Variants in FHIT observed in about 807,000 individuals in gnomAD.
FHIT encodes fragile histidine triad diadenosine triphosphatase, also known as bis(5'-adenosyl)-triphosphatase.
FHIT carries 19 observed loss-of-function variants against 17.9 expected under a neutral mutation model. The ratio of observed to expected loss-of-function variants is 1.06; its 90% CI spans 0.74 to 1.56. The LOEUF is 1.56. Ranked by LOEUF, FHIT falls within the 40% of genes most tolerant of loss-of-function variation. FHIT has a pLI of 0.00. For missense variants in FHIT, 248 were observed against 189.2 expected (o/e 1.31, Z -1.82); for synonymous variants, 81 against 69.7 (o/e 1.16, Z -0.81).
chr3:60,257,822 C>T, intron 5 of FHIT, among the ~76,000 whole-genome samples: 1 of 152,082 alleles, frequency 6.6e-6, no homozygotes, highest in Non-Finnish European at 1.5e-5. Flanking sequence ...AATGTTCTCA[C>T]CTGTAAGTGG....
At chr3:60,229,201 G>C (rs539023307) in intron 5 of FHIT, among the ~76,000 whole-genome samples, 9 of 152,218 alleles carry the variant, frequency 5.9e-5, no homozygotes, top group Admixed American at 3.9e-4. Flanking sequence ...CAGATTACTT[G>C]AGGCAAGGAG....
At chr3:61,116,041 G>A (rs2036289548) in intron 2 of FHIT, among the ~76,000 whole-genome samples, 4 of 152,084 alleles carry the variant, frequency 2.6e-5, no homozygotes, top group Non-Finnish European at 1.5e-5. Flanking sequence ...AAGATAAAAG[G>A]GACGGCTGAG....
chr3:60,195,575 T>TA (rs1702598557), intron 5 of FHIT, among the ~76,000 whole-genome samples: 1 of 92,720 alleles, frequency 1.1e-5, no homozygotes, highest in South Asian at 3.8e-4. Flanking sequence ...ATTTATATAA[T>TA]TATATTTATA....
chr3:60,634,393 G>A (rs946883099), intron 4 of FHIT, among the ~76,000 whole-genome samples: 1 of 152,182 alleles, frequency 6.6e-6, no homozygotes, highest in African/African-American at 2.4e-5. Context: ...GAAGCTGCCC[G>A]AGTAGGGCAG....
chr3:61,195,022 T>G, intron 2 of FHIT, among the ~76,000 whole-genome samples: 1 of 144,214 alleles, frequency 6.9e-6, no homozygotes, highest in African/African-American at 2.5e-5. Context: ...GGGGGTGTGA[T>G]AGTGGGGGAA....
chr3:60,456,798 G>C (rs1258623514), intron 5 of FHIT, among the ~76,000 whole-genome samples: 1 of 152,060 alleles, frequency 6.6e-6, no homozygotes, highest in African/African-American at 2.4e-5. Context: ...AATACATCAA[G>C]ACTATATGGA....
chr3:61,170,665 G>A (rs1367264879), intron 2 of FHIT, among the ~76,000 whole-genome samples: 1 of 152,058 alleles, frequency 6.6e-6, no homozygotes, highest in East Asian at 1.9e-4. Flanking sequence ...AAGGATAATG[G>A]CCTCCATCTC....
In FHIT at chr3:61,215,125, C is replaced by A. The variant is rs370421621; in HGVS notation, c.-212-14460G>T. 6.6e-5 allele frequency among the ~76,000 whole-genome samples: 10 copies of A among 151,962 alleles called. No individual in the cohort carries two copies. In the East Asian group the frequency reaches 1.4e-3, roughly 21 times the overall value. On this transcript the variant is annotated intron_variant, in intron 1 of 9. Transcript: ENST00000492590. Reference sequence around the variant, plus strand: ...GACAGGGATGCCCTCTCTCACCACTCCTATTCAACATAGTGTTGGAAGTTC... The same window carrying A: ...GACAGGGATGCCCTCTCTCACCACTACTATTCAACATAGTGTTGGAAGTTC...
At chr3:59,994,931 G>A (rs1373313897) in intron 7 of FHIT, among the ~76,000 whole-genome samples, 1 of 152,116 alleles carries the variant, frequency 6.6e-6, no homozygotes, top group African/African-American at 2.4e-5. Flanking sequence ...AGATGGCAGA[G>A]TGTTTGCCTA....
At chr3:60,472,557 G>A (rs554974683) in intron 5 of FHIT, among the ~76,000 whole-genome samples, 10 of 151,896 alleles carry the variant, frequency 6.6e-5, no homozygotes, top group Admixed American at 2.0e-4. Flanking sequence ...TTGTAGTAGA[G>A]ACAGGGTTTC....
At chr3:60,554,373 CCTTA>C (rs2036672038) in intron 4 of FHIT, among the ~76,000 whole-genome samples, 1 of 152,204 alleles carries the variant, frequency 6.6e-6, no homozygotes, top group African/African-American at 2.4e-5. Flanking sequence ...TTGAAAATCA[CCTTA>C]CTGTTATGTA....
chr3:60,142,873 A>G (rs2107305834), intron 5 of FHIT, among the ~76,000 whole-genome samples: 1 of 152,208 alleles, frequency 6.6e-6, no homozygotes, highest in East Asian at 1.9e-4. Flanking sequence ...ACTCAACTTA[A>G]GAACAGATTA....
At chr3:60,647,717 T>G (rs1553687135) in intron 4 of FHIT, among the ~76,000 whole-genome samples, 1 of 152,184 alleles carries the variant, frequency 6.6e-6, no homozygotes, top group African/African-American at 2.4e-5. Context: ...ATTCTAGCAG[T>G]ATGTGTTATT....
chr3:60,795,912 G>A (rs936327074), intron 4 of FHIT, among the ~76,000 whole-genome samples: 3 of 152,134 alleles, frequency 2.0e-5, no homozygotes, highest in Non-Finnish European at 4.4e-5. Flanking sequence ...TTTTCATGCT[G>A]CTGATGAAGA....
Position 60,713,121 on chromosome 3 carries a change from A to T in FHIT, c.-18+108798T>A, listed in dbSNP as rs1398935360. Among the ~76,000 whole-genome samples the T allele has an allele frequency of 3.3e-5, 5 of 152,296 alleles. No individual in the cohort carries two copies. In the South Asian group the frequency reaches 8.3e-4, roughly 25 times the overall value. On this transcript the variant is annotated intron_variant, in intron 4 of 9. Transcript: ENST00000492590. Reference sequence around the variant, plus strand: ...TCAAAGTAGAACTCAGGATTAAGAAACTCACTCAAAACCGCTCAACTACAT... The same window carrying T: ...TCAAAGTAGAACTCAGGATTAAGAATCTCACTCAAAACCGCTCAACTACAT...
chr3:60,904,013 T>C (rs1706260193), intron 3 of FHIT, among the ~76,000 whole-genome samples: 1 of 152,228 alleles, frequency 6.6e-6, no homozygotes. Context: ...GGGTTTCTCA[T>C]ACCTGACAAC....
At chr3:60,457,081 T>C (rs1005533764) in intron 5 of FHIT, among the ~76,000 whole-genome samples, 1 of 152,156 alleles carries the variant, frequency 6.6e-6, no homozygotes, top group Non-Finnish European at 1.5e-5. Context: ...AAAAAACTAC[T>C]TTAAAGTTCA....
At chr3:60,119,663 A>C (rs1237696605) in intron 5 of FHIT, among the ~76,000 whole-genome samples, 1 of 152,146 alleles carries the variant, frequency 6.6e-6, no homozygotes, top group East Asian at 1.9e-4. Flanking sequence ...AAACCTGGAA[A>C]TAAACTGTTG....
chr3:60,478,390 A>T (rs2033449940), intron 5 of FHIT, among the ~76,000 whole-genome samples: 1 of 152,230 alleles, frequency 6.6e-6, no homozygotes. Context: ...AATCAAGCAA[A>T]TATGAATGAA....
Sources: gnomAD v4.1 joint callset for allele counts (sites outside exome capture counted in the v4.1 genomes callset) on GRCh38, gnomAD v4.1.1 for gene constraint, MANE v1.5 for transcripts, NCBI Gene and HGNC (gene_info 2026-07-23, HGNC 2026-07-21) for gene names.